PACS1: variants seen among roughly 807,000 people sequenced by gnomAD.
PACS1 encodes the protein phosphofurin acidic cluster sorting protein 1.
In PACS1, 24 loss-of-function variants were observed where a neutral mutation model predicts 115.0. The ratio of observed to expected loss-of-function variants is 0.21; its 90% CI spans 0.15 to 0.29. The LOEUF (loss-of-function observed/expected upper bound fraction) is 0.29, where lower values mean the gene tolerates loss of function less well. Ranked by LOEUF, PACS1 falls within the 10% of genes least tolerant of loss-of-function variation. PACS1 has a pLI of 1.00. For synonymous variants in PACS1, 453 were observed against 504.5 expected, an observed-to-expected ratio of 0.90 and a Z score of 1.37; for missense variants, 838 against 1,251.2, an observed-to-expected ratio of 0.67 and a Z score of 4.98.
intron 1 of PACS1, among the ~76,000 whole-genome samples, chr11:66,102,467 G>C (rs1197322158): frequency 6.6e-6 from 1 of 151,904 alleles, no homozygotes; most frequent in African/African-American, 2.4e-5. Context: ...TGGGACTACA[G>C]GTGCATACCA....
intron 1 of PACS1, among the ~76,000 whole-genome samples, chr11:66,184,089 T>C (rs1181643883): frequency 6.6e-6 from 1 of 152,110 alleles, no homozygotes; most frequent in Non-Finnish European, 1.5e-5. Context: ...CAGATCTTTG[T>C]TTCTCCTTTC....
chr11:66,109,018 C>G (rs895397387), intron 1 of PACS1, among the ~76,000 whole-genome samples: 5 of 152,136 alleles, frequency 3.3e-5, no homozygotes, highest in African/African-American at 1.2e-4. Flanking sequence ...CAACTCAGTC[C>G]ATAGCAAGTG....
chr11:66,224,913 CA>C lies in PACS1; in HGVS notation c.1294-2590del, dbSNP rs1383246750. Among the ~76,000 whole-genome samples the C allele has an allele frequency of 2.0e-5, 3 of 152,134 alleles. No individual in the cohort carries two copies. In the East Asian group the frequency reaches 5.8e-4, roughly 29 times the overall value. ...TTTCTTAATCTTGCTTTTTGTTCCC[CA>C]CATTTTAGAGGATTCAGTTTATCGC... On this transcript the variant is annotated intron_variant, in intron 10 of 23. Transcript: ENST00000320580.
intron 1 of PACS1, among the ~76,000 whole-genome samples, chr11:66,149,087 G>A (rs2452687): frequency 0.99 from 145,749 of 147,796 alleles, 71,891 homozygotes; most frequent in Middle Eastern, 1. Flanking sequence ...ACATGCACAC[G>A]CACTTTTTTT....
At chr11:66,182,667 T>G (rs1860037132) in intron 1 of PACS1, among the ~76,000 whole-genome samples, 1 of 152,158 alleles carries the variant, frequency 6.6e-6, no homozygotes, top group African/African-American at 2.4e-5. Flanking sequence ...ATGTTTTTAT[T>G]TTTTGTAGAA....
intron 1 of PACS1, among the ~76,000 whole-genome samples, chr11:66,127,698 C>G (rs1474721268): frequency 6.6e-6 from 1 of 152,136 alleles, no homozygotes; most frequent in East Asian, 1.9e-4. Context: ...ACACTGTAGG[C>G]CAGAATCAGT....
At chr11:66,192,105 A>T (rs1854538575) in intron 1 of PACS1, among the ~76,000 whole-genome samples, 1 of 148,310 alleles carries the variant, frequency 6.7e-6, no homozygotes, top group African/African-American at 2.5e-5. Context: ...GTCCTCCTTT[A>T]AAAAAAAAAC....
At chr11:66,123,302 C>T (rs769337986) in intron 1 of PACS1, among the ~76,000 whole-genome samples, 27 of 151,658 alleles carry the variant, frequency 1.8e-4, no homozygotes, top group Non-Finnish European at 3.4e-4. Flanking sequence ...AGCAATTCTC[C>T]TGTCTCAGCC....
intron 1 of PACS1, among the ~76,000 whole-genome samples, chr11:66,185,525 T>C (rs1157921803): frequency 6.6e-6 from 1 of 152,110 alleles, no homozygotes; most frequent in Non-Finnish European, 1.5e-5. Flanking sequence ...GGGACTCGGC[T>C]AGAGGTGTTC....
At chr11:66,208,372 C>G (rs967487123) in intron 2 of PACS1, among the ~76,000 whole-genome samples, 1 of 152,118 alleles carries the variant, frequency 6.6e-6, no homozygotes, top group Admixed American at 6.5e-5. Context: ...AATCCCAGCA[C>G]TTTGGGAGGC....
At chr11:66,153,598 G>A (rs1225305953) in intron 1 of PACS1, among the ~76,000 whole-genome samples, 70 of 152,204 alleles carry the variant, frequency 4.6e-4, no homozygotes, top group Admixed American at 4.4e-3. Context: ...TGGCTAACAC[G>A]GTGAAACCCC....
Position 66,241,458 on chromosome 11 carries a change from G to A in PACS1, c.2461G>A (p.Gly821Ser). 6.2e-7 allele frequency: 1 copy of A among 1,608,266 alleles called. No individual in the cohort carries two copies. Among genetic ancestry groups the A allele is most frequent in the South Asian group, 1.1e-5 (1 of 90,076 alleles). The change falls in exon 22 of 24, where the codon GGC (glycine) becomes AGC (serine). Residue 821 changes from glycine (G) to serine (S), a missense_variant. Gly to Ser is a moderately conservative substitution (Grantham distance 56). Transcript: ENST00000320580. Reference sequence around the variant, plus strand: ...TAATAGCCCATATGGGGACGTGATTGGCCTCCAGGTGGACTACTGGCTGGG... The same window carrying A: ...TAATAGCCCATATGGGGACGTGATTAGCCTCCAGGTGGACTACTGGCTGGG... Reference protein sequence around the residue: ...SPNSPYGDVIGLQVDYWLGHP... With the variant: ...SPNSPYGDVISLQVDYWLGHP...
In PACS1 at chr11:66,070,962, C is replaced by G. The variant is rs1590723526; in HGVS notation, c.356+120C>G. On this transcript the variant is annotated intron_variant, in intron 1 of 23. Transcript: ENST00000320580. The surrounding 1 kb of genome is among the most constrained non-coding windows in gnomAD (Gnocchi z 5.9). Reference sequence around the variant, plus strand: ...CCATCTCCCCGACTGTCCCGCGGCCCGGCCTGGCTCCAGCCAGGCCTCCCG... The same window carrying G: ...CCATCTCCCCGACTGTCCCGCGGCCGGGCCTGGCTCCAGCCAGGCCTCCCG... 6.5e-6 allele frequency: 7 copies of G among 1,070,050 alleles called. No homozygotes were observed. The East Asian group carries it at 1.7e-4, about 25-fold the overall frequency. The allele number at this position is 1,070,050 out of a possible 1,614,324, so 66.3% of individuals were successfully genotyped here. A position where few individuals can be genotyped will look rare whatever the true frequency, so the allele number is the denominator to read the frequency against.
rs1007061472 is a variant in PACS1, at chr11:66,102,141, G to C, written c.356+31299G>C. 2.6e-5 allele frequency among the ~76,000 whole-genome samples: 4 copies of C among 152,038 alleles called. No individual in the cohort carries two copies. In the East Asian group the frequency reaches 7.7e-4, roughly 29 times the overall value. On this transcript the variant is annotated intron_variant, in intron 1 of 23. Transcript: ENST00000320580. Reference sequence around the variant, plus strand: ...CTCTTCTCCAAGTCAAACCAACCTAGGCCACGTGTAATAATTAGTTCAATT... The same window carrying C: ...CTCTTCTCCAAGTCAAACCAACCTACGCCACGTGTAATAATTAGTTCAATT...
At chr11:66,119,143 G>A (rs562217994) in intron 1 of PACS1, among the ~76,000 whole-genome samples, 3 of 152,302 alleles carry the variant, frequency 2.0e-5, no homozygotes, top group South Asian at 2.1e-4. Context: ...GACCGGTAGC[G>A]TTAATACTTC....
intron 1 of PACS1, among the ~76,000 whole-genome samples, chr11:66,071,400 GTCC>G (rs1360794937): frequency 1.3e-5 from 2 of 152,028 alleles, no homozygotes; most frequent in Non-Finnish European, 2.9e-5. Flanking sequence ...TATTTAATGT[GTCC>G]TCAAGTGTAT....
At position 66,188,040 on chromosome 11, in the gene PACS1, G is replaced by A. The variant is rs75258222; in HGVS notation, c.357-5446G>A. On this transcript the variant is annotated intron_variant, in intron 1 of 23. Coordinates refer to ENST00000320580, the MANE Select transcript of PACS1 (RefSeq NM_018026.4). ...GAATATGATACCTCATTGTGGTTTCGATTTGCGTTTCCCTGATGATTAGGG... is the reference window on the plus strand; with the variant it reads ...GAATATGATACCTCATTGTGGTTTCAATTTGCGTTTCCCTGATGATTAGGG... 0.012 allele frequency among the ~76,000 whole-genome samples: 1,844 copies of A among 151,822 alleles called. 91 individuals carry two copies. The East Asian group carries it at 0.17, about 14-fold the overall frequency.
chr11:66,234,278 CGG>C (rs1401173874), intron 17 of PACS1, 36 bp downstream of exon 17: 23 of 1,450,472 alleles, frequency 1.6e-5, no homozygotes, highest in Non-Finnish European at 1.7e-5. Flanking sequence ...CTCCCACCCC[CGG>C]GGTCCACAGG....
At chr11:66,193,428 A>G (rs907821702) in intron 1 of PACS1, 58 bp from the exon 2 acceptor site, 29 of 1,207,558 alleles carry the variant, frequency 2.4e-5, no homozygotes, top group African/African-American at 8.9e-5. Flanking sequence ...CCAATTGTTC[A>G]TCACTTTTCT....
Sources: allele counts gnomAD v4.1 joint callset (sites outside exome capture counted in the v4.1 genomes callset), GRCh38; gene constraint gnomAD v4.1.1; non-coding constraint Gnocchi (gnomAD v3.1); transcripts MANE v1.5; gene names NCBI Gene and HGNC (gene_info 2026-07-23, HGNC 2026-07-21).